STAP1: variants seen among roughly 807,000 people sequenced by gnomAD.
STAP1 encodes signal-transducing adaptor protein 1.
Under a neutral mutation model 37.8 loss-of-function variants are expected in STAP1, and 30 were observed. The ratio of observed to expected loss-of-function variants is 0.79; its 90% CI spans 0.59 to 1.08. STAP1 has a LOEUF of 1.08. STAP1 is among the 50% of genes least tolerant of loss of function. STAP1 has a pLI of 0.00. For synonymous variants in STAP1, 130 were observed against 116.0 expected, an observed-to-expected ratio of 1.12 and a Z score of -0.78; for missense variants, 357 against 349.4, an observed-to-expected ratio of 1.02 and a Z score of -0.17.
chr4:67,561,199 A>T (rs1727330810), intron 1 of STAP1, among the ~76,000 whole-genome samples: 1 of 152,172 alleles, frequency 6.6e-6, no homozygotes, highest in South Asian at 2.1e-4. Flanking sequence ...AGTACTTGAA[A>T]ATAGAAGCTA....
At chr4:67,605,157 T>C (rs984586901) in intron 8 of STAP1, among the ~76,000 whole-genome samples, 4 of 152,308 alleles carry the variant, frequency 2.6e-5, no homozygotes, top group South Asian at 4.1e-4. Context: ...TGTGCTGTAA[T>C]TGCAGTTCTG....
At chr4:67,589,799 G>T (rs987356870) in intron 6 of STAP1, among the ~76,000 whole-genome samples, 6 of 146,194 alleles carry the variant, frequency 4.1e-5, no homozygotes, top group Non-Finnish European at 7.7e-5. Context: ...TTATGAGGTG[G>T]GGGATCCTAA....
chr4:67,597,997 T>G (rs1190581072), intron 8 of STAP1, among the ~76,000 whole-genome samples: 1 of 152,112 alleles, frequency 6.6e-6, no homozygotes, highest in Non-Finnish European at 1.5e-5. Flanking sequence ...ATATGAGATT[T>G]GGGAGGGGCC....
At chr4:67,593,899 G>C (rs1412873371) in intron 8 of STAP1, among the ~76,000 whole-genome samples, 1 of 152,190 alleles carries the variant, frequency 6.6e-6, no homozygotes, top group Non-Finnish European at 1.5e-5. Flanking sequence ...ATTGTAGCTA[G>C]GACCAGCTAC....
chr4:67,587,120 T>C (rs1265326956), intron 6 of STAP1, among the ~76,000 whole-genome samples: 1 of 152,186 alleles, frequency 6.6e-6, no homozygotes, highest in African/African-American at 2.4e-5. Context: ...AGGATAACAG[T>C]TGTACAGAGT....
intron 5 of STAP1, 35 bp from the exon 6 acceptor site, chr4:67,583,539 A>G (rs772468046): frequency 6.4e-7 from 1 of 1,562,366 alleles, no homozygotes; most frequent in Non-Finnish European, 8.6e-7. Context: ...CATCAGTTAA[A>G]AAAACAATTC....
intron 8 of STAP1, among the ~76,000 whole-genome samples, chr4:67,603,569 C>A (rs535231345): frequency 1.3e-5 from 2 of 152,258 alleles, no homozygotes; most frequent in Admixed American, 6.5e-5. Context: ...TTATTCAAGG[C>A]TCAAGCATGC....
At chr4:67,560,160 G>GT (rs570127508) in intron 1 of STAP1, among the ~76,000 whole-genome samples, 24 of 151,978 alleles carry the variant, frequency 1.6e-4, no homozygotes, top group Non-Finnish European at 2.9e-4. Context: ...TATGATAGCA[G>GT]TTTTTTTTAA....
intron 1 of STAP1, among the ~76,000 whole-genome samples, chr4:67,560,641 TGG>T (rs35235095): frequency 3.0e-4 from 34 of 114,048 alleles, no homozygotes; most frequent in Non-Finnish European, 5.9e-4. Flanking sequence ...TTTGTGTGTG[TGG>T]GTGTGTGTCT....
chr4:67,564,734 G>A (rs555791833), intron 1 of STAP1, among the ~76,000 whole-genome samples: 2 of 152,224 alleles, frequency 1.3e-5, no homozygotes, highest in Non-Finnish European at 1.5e-5. Context: ...CCAACATGGT[G>A]AAACCCTGCC....
intron 2 of STAP1, among the ~76,000 whole-genome samples, chr4:67,573,059 T>C (rs1203417820): frequency 1.3e-5 from 2 of 152,186 alleles, no homozygotes. Flanking sequence ...AGCACTGGGA[T>C]AGACAAGGTG....
intron 2 of STAP1, among the ~76,000 whole-genome samples, chr4:67,572,685 G>A (rs1727632210): frequency 6.6e-6 from 1 of 152,146 alleles, no homozygotes; most frequent in African/African-American, 2.4e-5. Flanking sequence ...CATTTTATAA[G>A]GTTCTCAAAA....
intron 3 of STAP1, 46 bp downstream of exon 3, chr4:67,575,544 TAAC>T (rs748107614): frequency 7.9e-5 from 108 of 1,366,156 alleles, no homozygotes; most frequent in Non-Finnish European, 1.0e-4. Flanking sequence ...TGGTTATAAA[TAAC>T]ATTCTTCACA....
At chr4:67,577,575 G>T (rs1250741583) in intron 4 of STAP1, among the ~76,000 whole-genome samples, 1 of 151,406 alleles carries the variant, frequency 6.6e-6, no homozygotes, top group Non-Finnish European at 1.5e-5. Context: ...GTGGTCCTTT[G>T]TATATTCTGA....
In STAP1 at chr4:67,581,481, C is replaced by G. The variant is rs1313542047; in HGVS notation, c.530+10C>G. 2.5e-6 allele frequency: 4 copies of G among 1,593,006 alleles called. No individual in the cohort carries two copies. The highest frequency in any genetic ancestry group is 3.4e-6 in the Non-Finnish European group (4 of 1,171,230). On this transcript the variant is annotated intron_variant, in intron 5 of 8. Transcript: ENST00000265404. Reference sequence around the variant, plus strand: ...TGAACCCTATGCCAGCGTAAGTGCACAATGAACTGCAGTTTATTCATTCGA... The same window carrying G: ...TGAACCCTATGCCAGCGTAAGTGCAGAATGAACTGCAGTTTATTCATTCGA...
chr4:67,582,482 T>C (rs1727886027), intron 5 of STAP1, among the ~76,000 whole-genome samples: 1 of 152,014 alleles, frequency 6.6e-6, no homozygotes, highest in Non-Finnish European at 1.5e-5. Context: ...CTAATTTTTG[T>C]ATTTTTGTAG....
chr4:67,576,312 T>G (rs186545972), intron 3 of STAP1, among the ~76,000 whole-genome samples: 2 of 152,312 alleles, frequency 1.3e-5, no homozygotes, highest in Non-Finnish European at 2.9e-5. Flanking sequence ...AAATTTACTA[T>G]TATGTTTATT....
chr4:67,594,980 G>A (rs891008103), intron 8 of STAP1, among the ~76,000 whole-genome samples: 6 of 152,016 alleles, frequency 3.9e-5, no homozygotes, highest in African/African-American at 1.4e-4. Context: ...TTTTCTTAGT[G>A]GGTGATTTGT....
At chr4:67,599,862 G>A (rs1434694767) in intron 8 of STAP1, among the ~76,000 whole-genome samples, 1 of 151,870 alleles carries the variant, frequency 6.6e-6, no homozygotes. Flanking sequence ...GGCTGGTCTC[G>A]AACTCCTGAC....
Sources: gnomAD v4.1 joint callset for allele counts (sites outside exome capture counted in the v4.1 genomes callset) on GRCh38, gnomAD v4.1.1 for gene constraint, MANE v1.5 for transcripts, NCBI Gene and HGNC (gene_info 2026-07-23, HGNC 2026-07-21) for gene names.